The following UBAC2 variants were observed in gnomAD, a reference collection of about 807,000 sequenced individuals.
UBAC2 encodes UBA domain containing 2, also known as ubiquitin-associated domain-containing protein 2.
In UBAC2, 26 loss-of-function variants were observed where a neutral mutation model predicts 44.0. The observed-to-expected ratio is 0.59, with a 90% confidence interval of 0.43 to 0.82. The LOEUF (loss-of-function observed/expected upper bound fraction) is 0.82. UBAC2 is among the 40% of genes least tolerant of loss of function. The pLI is 0.00. For synonymous variants in UBAC2, 155 were observed against 154.3 expected, an observed-to-expected ratio of 1.00 and a Z score of -0.04; for missense variants, 329 against 419.4, an observed-to-expected ratio of 0.78 and a Z score of 1.88.
chr13:99,321,130 A>G (rs903118718), intron 6 of UBAC2, among the ~76,000 whole-genome samples: 1 of 152,208 alleles, frequency 6.6e-6, no homozygotes, highest in African/African-American at 2.4e-5. Flanking sequence ...CATTCTGGCA[A>G]TTAATGTGGT....
intron 1 of UBAC2, among the ~76,000 whole-genome samples, chr13:99,216,506 ATCAT>A (rs1236848524): frequency 2.0e-5 from 3 of 152,278 alleles, no homozygotes; most frequent in Non-Finnish European, 4.4e-5. Context: ...ATTTATGTAA[ATCAT>A]AGGTGATTTA....
intron 7 of UBAC2, among the ~76,000 whole-genome samples, chr13:99,359,757 T>C (rs2138876922): frequency 6.6e-6 from 1 of 152,310 alleles, no homozygotes; most frequent in Middle Eastern, 3.4e-3. Context: ...ACTGAGTAAG[T>C]CCTTGTGTGG....
chr13:99,361,465 T>C (rs1455136657), intron 7 of UBAC2, among the ~76,000 whole-genome samples: 2 of 152,198 alleles, frequency 1.3e-5, no homozygotes, highest in Non-Finnish European at 2.9e-5. Context: ...TGCCTACTCT[T>C]TGATTCTCTC....
chr13:99,293,046 T>C (rs2044114072), intron 4 of UBAC2, among the ~76,000 whole-genome samples: 1 of 152,136 alleles, frequency 6.6e-6, no homozygotes, highest in Non-Finnish European at 1.5e-5. Flanking sequence ...ATGAGTAGAA[T>C]GGGCAGCCTT....
chr13:99,330,469 A>AAAAAAAAAAAAAAAAAAAAAAAAAC (rs1264862857), intron 6 of UBAC2, among the ~76,000 whole-genome samples: 1 of 148,850 alleles, frequency 6.7e-6, no homozygotes, highest in Non-Finnish European at 1.5e-5. Flanking sequence ...AAAAAAAAAA[A>AAAAAAAAAAAAAAAAAAAAAAAAAC]AAAAAAAGAA....
Position 99,295,634 on chromosome 13 carries a change from A to C in UBAC2, c.390-18463A>C. On this transcript the variant is annotated intron_variant, in intron 4 of 8. Transcript: ENST00000403766. The surrounding 1 kb of genome is among the most constrained non-coding windows in gnomAD (Gnocchi z 4.1). ...AATCCTTTCAGCCTCCTGCTTTGAC[A>C]TAGGGTTGATGAGGAGTGGGAGTGT... is the stretch of plus-strand genomic sequence containing the variant. The C allele has an allele frequency of 6.2e-7, 1 of 1,614,144 alleles. No homozygotes were observed. Among genetic ancestry groups the C allele is most frequent in the Non-Finnish European group, 8.5e-7 (1 of 1,180,016 alleles).
Position 99,295,394 on chromosome 13 carries a change from A to G in UBAC2, c.390-18703A>G. 6.2e-7 allele frequency: 1 copy of G among 1,614,158 alleles called. No individual in the cohort carries two copies. The highest frequency in any genetic ancestry group is 8.5e-7 in the Non-Finnish European group (1 of 1,179,996). ...AGGTGTGAAACAGAGAACAAACACA[A>G]CAATAATAAGAATAATTGTGTTGAG... On this transcript the variant is annotated intron_variant, in intron 4 of 8. Coordinates refer to ENST00000403766, the MANE Select transcript of UBAC2 (RefSeq NM_001144072.2). This position sits in a 1 kb window ranked among gnomAD's most constrained non-coding sequence, Gnocchi z 4.1.
chr13:99,316,271 C>T (rs1337709649), intron 5 of UBAC2, among the ~76,000 whole-genome samples: 3 of 151,908 alleles, frequency 2.0e-5, no homozygotes, highest in Non-Finnish European at 2.9e-5. Context: ...CCCCCTGTGC[C>T]CACCTTGAAG....
At chr13:99,236,679 G>A (rs1372765377) in intron 1 of UBAC2, among the ~76,000 whole-genome samples, 3 of 152,056 alleles carry the variant, frequency 2.0e-5, no homozygotes, top group Non-Finnish European at 2.9e-5. Context: ...GTGAAACCCC[G>A]TCTCTACTAA....
rs1253168550 is a variant in UBAC2 at position 99,295,765 on chromosome 13, A to G, written c.390-18332A>G. ...GGTGCACCACAGCAATGAAGCGGTC[A>G]ATACTCAGGCAGGTCATAAAGTTCA... On this transcript the variant is annotated intron_variant, in intron 4 of 8. Coordinates refer to ENST00000403766, the MANE Select transcript of UBAC2 (RefSeq NM_001144072.2). The surrounding 1 kb of genome is among the most constrained non-coding windows in gnomAD (Gnocchi z 4.1). 6 of 1,614,028 alleles carry G rather than the reference A, an allele frequency of 3.7e-6. No individual in the cohort carries two copies. The highest frequency in any genetic ancestry group is 5.1e-6 in the Non-Finnish European group (6 of 1,179,998).
chr13:99,244,837 CTTT>C (rs371728608), intron 4 of UBAC2, among the ~76,000 whole-genome samples: 1 of 145,638 alleles, frequency 6.9e-6, no homozygotes. Context: ...ATTTATTTTA[CTTT>C]TTTTTTTTTT....
At chr13:99,328,008 C>T (rs2044664007) in intron 6 of UBAC2, among the ~76,000 whole-genome samples, 1 of 152,156 alleles carries the variant, frequency 6.6e-6, no homozygotes, top group Non-Finnish European at 1.5e-5. Flanking sequence ...TGCTCTTTCC[C>T]CACATCCAGC....
chr13:99,330,458 C>CA lies in UBAC2; in HGVS notation c.562-9844dup, dbSNP rs59409181. On this transcript the variant is annotated intron_variant, in intron 6 of 8. Transcript: ENST00000403766. The stretch of plus-strand genomic sequence containing the variant: ...TGGGTGACAGAGTGAGACGTCATCT[C>CA]AAAAAAAAAAAAAAAAAAGAAATAC... Among the ~76,000 whole-genome samples, 91 of 46,044 alleles carry CA rather than the reference C, an allele frequency of 2.0e-3. 4 individuals are homozygous for CA. Among genetic ancestry groups the CA allele is most frequent in the African/African-American group, 3.1e-3 (42 of 13,442 alleles). The allele number at this position is 46,044 out of a possible 152,430, so 30.2% of individuals were successfully genotyped here.
intron 1 of UBAC2, among the ~76,000 whole-genome samples, chr13:99,222,311 C>T (rs1594013636): frequency 6.6e-6 from 1 of 152,284 alleles, no homozygotes; most frequent in East Asian, 1.9e-4. Flanking sequence ...GAAATGAGGA[C>T]TCAATGGTGA....
At chr13:99,300,330 C>T (rs1057452359) in intron 4 of UBAC2, among the ~76,000 whole-genome samples, 1 of 152,218 alleles carries the variant, frequency 6.6e-6, no homozygotes, top group Non-Finnish European at 1.5e-5. Context: ...TAAATGCATG[C>T]TTTGGATATT....
chr13:99,356,708 C>T (rs1051834528), intron 7 of UBAC2, among the ~76,000 whole-genome samples: 2 of 152,196 alleles, frequency 1.3e-5, no homozygotes, highest in Non-Finnish European at 2.9e-5. Flanking sequence ...TAGCACGACA[C>T]AAAGATCATG....
chr13:99,385,479 C>T lies in UBAC2; in HGVS notation c.*144C>T, dbSNP rs2045608445. 6 of 623,980 alleles carry T rather than the reference C, an allele frequency of 9.6e-6. No individual in the cohort carries two copies. The Admixed American group carries it at 1.3e-4, about 14-fold the overall frequency. The allele number at this position is 623,980 out of a possible 1,614,324, so 38.7% of individuals were successfully genotyped here. ...GGTTCCACCGCACCCCTGCCCTCAA[C>T]CGCAAGACTGTTGCCGTTTTAGTGT... is the stretch of plus-strand genomic sequence containing the variant. On this transcript the variant is annotated 3_prime_UTR_variant, in exon 9 of 9. Coordinates refer to ENST00000403766, the MANE Select transcript of UBAC2 (RefSeq NM_001144072.2).
At chr13:99,256,054 T>G (rs1187272255) in intron 4 of UBAC2, 2 of 549,352 alleles carry the variant, frequency 3.6e-6, no homozygotes, top group Non-Finnish European at 6.2e-6. Flanking sequence ...TACTGAACAT[T>G]CACAGTAATT....
intron 4 of UBAC2, among the ~76,000 whole-genome samples, chr13:99,254,052 A>G (rs2043496774): frequency 6.6e-6 from 1 of 152,208 alleles, no homozygotes; most frequent in South Asian, 2.1e-4. Context: ...CAAGGCTAAG[A>G]AATCCAAGGT....
Sources: gnomAD v4.1 joint callset for allele counts (sites outside exome capture counted in the v4.1 genomes callset) on GRCh38, gnomAD v4.1.1 for gene constraint, Gnocchi (gnomAD v3.1) non-coding constraint, MANE v1.5 for transcripts, NCBI Gene and HGNC (gene_info 2026-07-23, HGNC 2026-07-21) for gene names.